The following TMC1 variants were observed in gnomAD, a reference collection of about 807,000 sequenced individuals.
The protein encoded by TMC1 is transmembrane channel like 1.
A neutral mutation model predicts 105.8 loss-of-function variants in TMC1; 84 were observed. The ratio of observed to expected loss-of-function variants is 0.79; its 90% CI spans 0.67 to 0.95. The LOEUF is 0.95. Among genes scored for constraint, TMC1 ranks in the 40% least tolerant of loss-of-function variants. The pLI is 0.00. For synonymous variants in TMC1, 315 were observed against 311.5 expected, an observed-to-expected ratio of 1.01 and a Z score of -0.12; for missense variants, 817 against 914.1, an observed-to-expected ratio of 0.89 and a Z score of 1.37.
rs77580488 is a variant in TMC1 at position 72,674,505 on chromosome 9, C to T, written c.17-14204C>T. Among the ~76,000 whole-genome samples the T allele has an allele frequency of 9.8e-3, 1,492 of 152,332 alleles. 28 individuals carry two copies. Among genetic ancestry groups the T allele is most frequent in the African/African-American group, 0.034 (1,421 of 41,578 alleles). ...AAGGAAGGCAGCAGATGCTTATTAA[C>T]TTTCCCCGTGCCCTCAGGATGCCTT... is the stretch of plus-strand genomic sequence containing the variant. On this transcript the variant is annotated intron_variant, in intron 5 of 23. Coordinates refer to ENST00000297784, the MANE Select transcript of TMC1 (RefSeq NM_138691.3).
At chr9:72,737,314 C>T (rs73647810) in intron 8 of TMC1, among the ~76,000 whole-genome samples, 1,954 of 152,256 alleles carry the variant, frequency 0.013, 55 homozygotes, top group African/African-American at 0.044. Flanking sequence ...GTTTCAAAAC[C>T]GGCATTGCCG....
chr9:72,689,007 T>C (rs548590805), intron 6 of TMC1, among the ~76,000 whole-genome samples: 7 of 152,030 alleles, frequency 4.6e-5, no homozygotes, highest in Non-Finnish European at 1.0e-4. Flanking sequence ...AAAAGACATG[T>C]TAATAGGAGA....
At position 72,739,914 on chromosome 9, in the gene TMC1, A is replaced by G. The variant is rs186010440; in HGVS notation, c.363-205A>G. ...CCAGCTGATTAGTAAGTGAGACTAAAATATCTTACTCTTCCTGGTCAGCAT... is the reference window on the plus strand; with the variant it reads ...CCAGCTGATTAGTAAGTGAGACTAAGATATCTTACTCTTCCTGGTCAGCAT... On this transcript the variant is annotated intron_variant, in intron 8 of 23. Coordinates refer to ENST00000297784, the MANE Select transcript of TMC1 (RefSeq NM_138691.3). 2.0e-5 allele frequency among the ~76,000 whole-genome samples: 3 copies of G among 152,338 alleles called. No individual in the cohort carries two copies. In the East Asian group the frequency reaches 5.8e-4, roughly 29 times the overall value.
intron 1 of TMC1, among the ~76,000 whole-genome samples, chr9:72,571,159 C>T (rs2132089817): frequency 6.7e-6 from 1 of 149,990 alleles, no homozygotes; most frequent in East Asian, 2.1e-4. Context: ...CCCGCCTCTA[C>T]AAAAAATATA....
At chr9:72,662,249 C>A (rs1282276750) in intron 5 of TMC1, among the ~76,000 whole-genome samples, 1 of 150,090 alleles carries the variant, frequency 6.7e-6, no homozygotes, top group Admixed American at 6.6e-5. Flanking sequence ...TACAGTGGTA[C>A]GATCTTAGCT....
intron 12 of TMC1, among the ~76,000 whole-genome samples, chr9:72,765,340 C>T (rs965262462): frequency 6.6e-6 from 1 of 151,940 alleles, no homozygotes; most frequent in Non-Finnish European, 1.5e-5. Context: ...AAGCTCCGTG[C>T]CTCTGAAGGA....
chr9:72,660,527 A>G (rs1222779092), intron 5 of TMC1, among the ~76,000 whole-genome samples: 1 of 152,198 alleles, frequency 6.6e-6, no homozygotes, highest in East Asian at 1.9e-4. Context: ...CAAATGCACA[A>G]AAATTTTTTC....
At chr9:72,541,396 G>T (rs1292163299) in intron 1 of TMC1, among the ~76,000 whole-genome samples, 1 of 152,164 alleles carries the variant, frequency 6.6e-6, no homozygotes, top group African/African-American at 2.4e-5. Context: ...AACTTAAAGA[G>T]CCTAGAAGCG....
chr9:72,807,893 A>G (rs532166261), intron 18 of TMC1, among the ~76,000 whole-genome samples: 4 of 152,200 alleles, frequency 2.6e-5, no homozygotes, highest in Middle Eastern at 3.4e-3. Flanking sequence ...TCAGAACCAC[A>G]CTGGTGCTGA....
Position 72,570,716 on chromosome 9 carries a change from T to C in TMC1, c.-427-7186T>C, listed in dbSNP as rs1295151949. ...TTTTTTTTTTTTTTTTGAGACAGAG[T>C]CTTGCTCTGTCACCCAGGCTGGAGT... is the stretch of plus-strand genomic sequence containing the variant. On this transcript the variant is annotated intron_variant, in intron 1 of 23. Coordinates refer to ENST00000297784, the MANE Select transcript of TMC1 (RefSeq NM_138691.3). Among the ~76,000 whole-genome samples the C allele has an allele frequency of 3.8e-5, 5 of 131,120 alleles. No individual in the cohort carries two copies. In the East Asian group the frequency reaches 1.1e-3, roughly 30 times the overall value. The allele number at this position is 131,120 out of a possible 152,430, so 86.0% of individuals were successfully genotyped here.
rs766653985 is a variant in TMC1, at chr9:72,792,178, C to G, written c.1405-13C>G. The G allele has an allele frequency of 5.0e-6, 8 of 1,614,114 alleles. No homozygotes were observed. The South Asian group carries it at 7.7e-5, about 16-fold the overall frequency. On this transcript the variant is annotated splice_polypyrimidine_tract_variant and intron_variant, in intron 16 of 23. Transcript: ENST00000297784. Reference sequence around the variant, plus strand: ...GTTGTCTTCATTTTAGTTTCTATCTCTTTGCTTTCTAGATTGAAGAGGAGA... The same window carrying G: ...GTTGTCTTCATTTTAGTTTCTATCTGTTTGCTTTCTAGATTGAAGAGGAGA...
intron 5 of TMC1, among the ~76,000 whole-genome samples, chr9:72,679,221 T>C (rs1826251872): frequency 6.6e-6 from 1 of 152,120 alleles, no homozygotes; most frequent in South Asian, 2.1e-4. Context: ...TTTTTCATGC[T>C]TGTGTTTAAT....
chr9:72,706,501 T>A (rs1278966316), intron 8 of TMC1, among the ~76,000 whole-genome samples: 1 of 152,160 alleles, frequency 6.6e-6, no homozygotes, highest in African/African-American at 2.4e-5. Flanking sequence ...TGATGATTTA[T>A]TAGATTTTGG....
At chr9:72,744,599 T>A (rs1827457383) in intron 10 of TMC1, among the ~76,000 whole-genome samples, 1 of 152,208 alleles carries the variant, frequency 6.6e-6, no homozygotes, top group African/African-American at 2.4e-5. Context: ...GCAGATTAGC[T>A]GTTTGACTTC....
chr9:72,627,773 A>G, intron 3 of TMC1, 148 bp from the exon 4 acceptor site: 1 of 302,482 alleles, frequency 3.3e-6, no homozygotes, highest in East Asian at 8.4e-5. Context: ...TGTCTGTGGC[A>G]TCTTTTTAAC....
chr9:72,596,296 G>C (rs1824719164), intron 2 of TMC1, among the ~76,000 whole-genome samples: 1 of 152,178 alleles, frequency 6.6e-6, no homozygotes, highest in Non-Finnish European at 1.5e-5. Flanking sequence ...AAAGGTGCTG[G>C]TCACTAGGGC....
At chr9:72,535,701 C>G (rs529964976) in intron 1 of TMC1, among the ~76,000 whole-genome samples, 1 of 152,312 alleles carries the variant, frequency 6.6e-6, no homozygotes, top group Admixed American at 6.5e-5. Flanking sequence ...GCTCACAATT[C>G]TGCTTGCTGG....
chr9:72,662,277 C>T (rs1427224952), intron 5 of TMC1, among the ~76,000 whole-genome samples: 1 of 151,704 alleles, frequency 6.6e-6, no homozygotes, highest in Non-Finnish European at 1.5e-5. Flanking sequence ...ACCTCCACCT[C>T]CCCGGTCCAA....
chr9:72,669,740 C>T (rs1198695246), intron 5 of TMC1, among the ~76,000 whole-genome samples: 3 of 151,334 alleles, frequency 2.0e-5, no homozygotes, highest in South Asian at 4.2e-4. Flanking sequence ...TCTTAGAGAC[C>T]TCTAGAATAG....
Sources: gnomAD v4.1 joint callset for allele counts (sites outside exome capture counted in the v4.1 genomes callset) on GRCh38, gnomAD v4.1.1 for gene constraint, MANE v1.5 for transcripts, NCBI Gene and HGNC (gene_info 2026-07-23, HGNC 2026-07-21) for gene names.